Variants in ZNF609 observed in about 807,000 individuals in gnomAD.
The protein encoded by ZNF609 is zinc finger protein 609.
A neutral mutation model predicts 109.5 loss-of-function variants in ZNF609; 11 were observed. The ratio of observed to expected loss-of-function variants is 0.10; its 90% CI spans 0.06 to 0.17. The LOEUF is 0.17. Among genes scored for constraint, ZNF609 ranks in the 10% least tolerant of loss-of-function variants. The pLI is 1.00. For synonymous variants in ZNF609, 646 were observed against 662.0 expected, an observed-to-expected ratio of 0.98 and a Z score of 0.37; for missense variants, 1,559 against 1,772.4, an observed-to-expected ratio of 0.88 and a Z score of 2.16.
intron 3 of ZNF609, among the ~76,000 whole-genome samples, chr15:64,642,076 C>T (rs1896268638): frequency 6.6e-6 from 1 of 152,194 alleles, no homozygotes; most frequent in Admixed American, 6.5e-5. Flanking sequence ...GTTCTGCCTA[C>T]ATGAAATTTG....
intron 2 of ZNF609, among the ~76,000 whole-genome samples, chr15:64,533,650 T>G (rs1355482043): frequency 6.6e-6 from 1 of 152,240 alleles, no homozygotes; most frequent in Non-Finnish European, 1.5e-5. Context: ...TCAGTGTGGT[T>G]TTTGTCTACT....
chr15:64,603,549 G>C (rs1895541502), intron 2 of ZNF609, among the ~76,000 whole-genome samples: 1 of 151,746 alleles, frequency 6.6e-6, no homozygotes, highest in African/African-American at 2.4e-5. Context: ...GATTACAGGC[G>C]TGAGCCACTG....
chr15:64,609,134 T>TCTTTC (rs1895672243), intron 2 of ZNF609, among the ~76,000 whole-genome samples: 14 of 145,058 alleles, frequency 9.7e-5, no homozygotes, highest in Admixed American at 7.1e-4. Flanking sequence ...CTTTCTTTTT[T>TCTTTC]TCTTTCTTTT....
intron 1 of ZNF609, among the ~76,000 whole-genome samples, chr15:64,477,351 A>G (rs2140334579): frequency 6.6e-6 from 1 of 151,888 alleles, no homozygotes; most frequent in East Asian, 1.9e-4. Flanking sequence ...CGTGTTAGCC[A>G]GGATGGTCTC....
chr15:64,557,275 G>A (rs1894605465), intron 2 of ZNF609, among the ~76,000 whole-genome samples: 1 of 146,102 alleles, frequency 6.8e-6, no homozygotes, highest in Non-Finnish European at 1.5e-5. Flanking sequence ...CAGATTTTTT[G>A]TACGTGCAGT....
rs2083211697 is a variant in ZNF609 at position 64,681,941 on chromosome 15, A to G, written c.*255A>G. ...ATTTATTCTCTCAGCCACAGTTATG[A>G]CTATTGTGGCCTCTGTGGAGATGAA... On this transcript the variant is annotated 3_prime_UTR_variant, in exon 10 of 10. Coordinates refer to ENST00000326648, the MANE Select transcript of ZNF609 (RefSeq NM_015042.2). 6.5e-6 allele frequency: 1 copy of G among 153,306 alleles called. No homozygotes were observed. Among genetic ancestry groups the G allele is most frequent in the South Asian group, 2.1e-4 (1 of 4,852 alleles). The allele number at this position is 153,306 out of a possible 1,614,324, so 9.5% of individuals were successfully genotyped here.
chr15:64,466,116 C>CAAAA (rs749648623), intron 1 of ZNF609, among the ~76,000 whole-genome samples: 88 of 81,226 alleles, frequency 1.1e-3, no homozygotes, highest in East Asian at 3.3e-3. Context: ...AACCCTGTCT[C>CAAAA]AAAAAAAAAA....
chr15:64,461,532 G>A (rs1892941211), intron 1 of ZNF609, among the ~76,000 whole-genome samples: 1 of 152,052 alleles, frequency 6.6e-6, no homozygotes, highest in South Asian at 2.1e-4. Context: ...GCTTTGCTCA[G>A]ATTCTCCTTC....
At chr15:64,550,365 C>A (rs1029569016) in intron 2 of ZNF609, among the ~76,000 whole-genome samples, 5 of 151,350 alleles carry the variant, frequency 3.3e-5, no homozygotes, top group African/African-American at 1.2e-4. Context: ...TGTGGGAGTT[C>A]TTTATATATT....
intron 2 of ZNF609, among the ~76,000 whole-genome samples, chr15:64,555,699 T>A (rs1894569920): frequency 6.6e-6 from 1 of 151,528 alleles, no homozygotes; most frequent in African/African-American, 2.4e-5. Context: ...CTGGCCAACA[T>A]GGTGAAACCC....
In ZNF609 at chr15:64,674,792, A is replaced by G; in HGVS notation, c.1938A>G (p.Glu646=). The change falls in exon 5 of 10, where the codon GAA becomes GAG. Residue 646 remains glutamate (E), a synonymous_variant. Transcript: ENST00000326648. ...KCKKPSSLKP[E]KIPSKSLKSA... Reference sequence around the variant, plus strand: ...AAAAACCCTCTAGTTTAAAACCTGAAAAGATTCCTTCCAAGAGCCTAAAGT... The same window carrying G: ...AAAAACCCTCTAGTTTAAAACCTGAGAAGATTCCTTCCAAGAGCCTAAAGT... 1 of 1,614,082 alleles carries G rather than the reference A, an allele frequency of 6.2e-7. No individual in the cohort carries two copies. The highest frequency in any genetic ancestry group is 2.2e-5 in the East Asian group (1 of 44,878).
At chr15:64,493,848 G>A (rs191525100) in intron 1 of ZNF609, among the ~76,000 whole-genome samples, 39 of 152,272 alleles carry the variant, frequency 2.6e-4, no homozygotes, top group African/African-American at 9.4e-4. Context: ...CCACCTCTTG[G>A]GGTTAAACAT....
rs887683668 is a variant in ZNF609 at position 64,680,253 on chromosome 15, G to A, written c.3838G>A (p.Asp1280Asn). 2.5e-6 allele frequency: 4 copies of A among 1,614,040 alleles called. No homozygotes were observed. In the African/African-American group the frequency reaches 4.0e-5, roughly 16 times the overall value. ...CAAGGTCTCAGGTGGTGAAGATGCT[G>A]ACAAGGCACGAGCCAGCCCCAGTGT... Reference protein sequence around the residue: ...GSKVSGGEDADKARASPSVTC... With the variant: ...GSKVSGGEDANKARASPSVTC... Residue 1280 changes from aspartate (D) to asparagine (N), a missense_variant, in exon 7 of 10, where the codon GAC becomes AAC. Transcript: ENST00000326648.
At chr15:64,603,537 G>A (rs1689297085) in intron 2 of ZNF609, among the ~76,000 whole-genome samples, 1 of 151,566 alleles carries the variant, frequency 6.6e-6, no homozygotes, top group South Asian at 2.1e-4. Context: ...CCAAAGTACT[G>A]GGATTACAGG....
chr15:64,525,991 T>C (rs1007315119), intron 2 of ZNF609, among the ~76,000 whole-genome samples: 8 of 152,022 alleles, frequency 5.3e-5, no homozygotes, highest in African/African-American at 1.9e-4. Context: ...GGTTTCACCA[T>C]GTTGGCCAGG....
At chr15:64,515,872 G>A (rs933289124) in intron 2 of ZNF609, among the ~76,000 whole-genome samples, 2 of 151,808 alleles carry the variant, frequency 1.3e-5, no homozygotes. Flanking sequence ...TGGGAGGCGG[G>A]GGTTGCAGTG....
intron 1 of ZNF609, among the ~76,000 whole-genome samples, chr15:64,485,537 T>G (rs1893319498): frequency 6.6e-6 from 1 of 152,236 alleles, no homozygotes; most frequent in Non-Finnish European, 1.5e-5. Context: ...GTGCAGTGGC[T>G]CATGCCTATA....
intron 1 of ZNF609, among the ~76,000 whole-genome samples, chr15:64,461,901 G>T (rs1239512872): frequency 6.6e-6 from 1 of 152,148 alleles, no homozygotes. Flanking sequence ...TTTGTCTTGG[G>T]GGAGGGAGTG....
chr15:64,467,617 C>T (rs1008664651), intron 1 of ZNF609, among the ~76,000 whole-genome samples: 7 of 152,190 alleles, frequency 4.6e-5, no homozygotes, highest in South Asian at 2.1e-4. Flanking sequence ...GAGGCCGAGA[C>T]GGGCGGATCA....
Sources: gnomAD v4.1 joint callset for allele counts (sites outside exome capture counted in the v4.1 genomes callset) on GRCh38, gnomAD v4.1.1 for gene constraint, MANE v1.5 for transcripts, NCBI Gene and HGNC (gene_info 2026-07-23, HGNC 2026-07-21) for gene names.